Variants in TIAM1 observed in about 807,000 individuals in gnomAD.
The protein encoded by TIAM1 is TIAM Rac1 associated GEF 1.
TIAM1 carries 65 observed loss-of-function variants against 163.5 expected under a neutral mutation model. The ratio of observed to expected loss-of-function variants is 0.40; its 90% CI spans 0.33 to 0.49. TIAM1 has a LOEUF of 0.49. TIAM1 is among the 20% of genes least tolerant of loss of function. TIAM1 has a pLI of 0.77. For missense variants in TIAM1, 1,789 were observed against 2,044.7 expected, an observed-to-expected ratio of 0.87 and a Z score of 2.41; for synonymous variants, 833 against 810.1, an observed-to-expected ratio of 1.03 and a Z score of -0.48.
intron 6 of TIAM1, among the ~76,000 whole-genome samples, chr21:31,229,365 T>A (rs2088265255): frequency 6.6e-6 from 1 of 152,130 alleles, no homozygotes; most frequent in Admixed American, 6.5e-5. Flanking sequence ...TCAAAGAACA[T>A]CCTTCCAAGG....
chr21:31,511,178 G>A (rs2047199238), intron 1 of TIAM1, among the ~76,000 whole-genome samples: 1 of 152,208 alleles, frequency 6.6e-6, no homozygotes, highest in South Asian at 2.1e-4. Flanking sequence ...GAATAAACTT[G>A]TGTTGTTCTA....
At chr21:31,429,502 C>T (rs1386118541) in intron 2 of TIAM1, among the ~76,000 whole-genome samples, 1 of 152,092 alleles carries the variant, frequency 6.6e-6, no homozygotes, top group African/African-American at 2.4e-5. Flanking sequence ...GGAAATACAC[C>T]CCGGGGAGGC....
chr21:31,315,090 G>A (rs1423261393), intron 2 of TIAM1, among the ~76,000 whole-genome samples: 1 of 152,120 alleles, frequency 6.6e-6, no homozygotes, highest in Non-Finnish European at 1.5e-5. Flanking sequence ...AACATGCAAT[G>A]AGGCTGGGCG....
At chr21:31,412,910 G>A (rs2043249912) in intron 2 of TIAM1, among the ~76,000 whole-genome samples, 1 of 152,040 alleles carries the variant, frequency 6.6e-6, no homozygotes, top group African/African-American at 2.4e-5. Flanking sequence ...CAGAGCTCAG[G>A]TGGTAATGCT....
chr21:31,367,617 T>C (rs1419369685), intron 2 of TIAM1, among the ~76,000 whole-genome samples: 2 of 152,136 alleles, frequency 1.3e-5, no homozygotes, highest in African/African-American at 4.8e-5. Flanking sequence ...GATCCAGAAA[T>C]TCTGACAGGC....
intron 1 of TIAM1, among the ~76,000 whole-genome samples, chr21:31,548,841 A>G (rs1242976392): frequency 6.6e-6 from 1 of 151,984 alleles, no homozygotes; most frequent in Admixed American, 6.6e-5. Context: ...GGGCTGTTCT[A>G]TGCACTGGAG....
intron 2 of TIAM1, among the ~76,000 whole-genome samples, chr21:31,457,218 C>A (rs911760587): frequency 6.6e-6 from 1 of 152,162 alleles, no homozygotes; most frequent in Non-Finnish European, 1.5e-5. Flanking sequence ...CTCTGCTAAT[C>A]CCAGCACGAA....
chr21:31,304,750 T>C (rs1344628234), intron 2 of TIAM1, among the ~76,000 whole-genome samples: 1 of 152,216 alleles, frequency 6.6e-6, no homozygotes, highest in Non-Finnish European at 1.5e-5. Context: ...ACACACCCAG[T>C]GGCATGATCT....
chr21:31,276,034 T>A (rs1268457893), intron 3 of TIAM1, among the ~76,000 whole-genome samples: 1 of 152,128 alleles, frequency 6.6e-6, no homozygotes, highest in Non-Finnish European at 1.5e-5. Context: ...TAAGTTAAAT[T>A]TGAAGCGAAA....
At position 31,118,672 on chromosome 21, in the gene TIAM1, T is replaced by C. The variant is rs1213172715; in HGVS notation, c.*1696A>G. The C allele has an allele frequency of 4.2e-6, 2 of 471,096 alleles. No homozygotes were observed. Among genetic ancestry groups the C allele is most frequent in the East Asian group, 6.9e-5 (1 of 14,394 alleles). 29.2% of individuals were successfully genotyped at this position (471,096 alleles called of 1,614,324 possible). ...GAAGCCTCTGCTTCCGTTTTCCATCTGGACGCGATCGAACCGGAGATGATA... is the reference window on the plus strand; with the variant it reads ...GAAGCCTCTGCTTCCGTTTTCCATCCGGACGCGATCGAACCGGAGATGATA... On this transcript the variant is annotated 3_prime_UTR_variant, in exon 28 of 28. Transcript: ENST00000541036.
At chr21:31,495,943 G>A (rs2046625163) in intron 1 of TIAM1, among the ~76,000 whole-genome samples, 1 of 151,932 alleles carries the variant, frequency 6.6e-6, no homozygotes, top group Non-Finnish European at 1.5e-5. Flanking sequence ...CTGCACTCCA[G>A]CCTGAGTGAC....
At chr21:31,439,609 T>G (rs933221434) in intron 2 of TIAM1, among the ~76,000 whole-genome samples, 2 of 152,216 alleles carry the variant, frequency 1.3e-5, no homozygotes, top group African/African-American at 4.8e-5. Context: ...TTCTTTAACA[T>G]GCATTTGATT....
intron 15 of TIAM1, among the ~76,000 whole-genome samples, chr21:31,178,331 C>G (rs545811507): frequency 1.1e-5 from 1 of 94,968 alleles, no homozygotes; most frequent in Non-Finnish European, 1.9e-5. Flanking sequence ...TTTTTTGAGA[C>G]GGAGTCTCGC....
rs1023748448 is a variant in TIAM1, at chr21:31,384,372, C to T, written c.-368-44950G>A. Among the ~76,000 whole-genome samples, 7 of 138,552 alleles carry T rather than the reference C, an allele frequency of 5.1e-5. No homozygotes were observed. The South Asian group carries it at 1.6e-3, about 31-fold the overall frequency. 90.9% of individuals were successfully genotyped at this position (138,552 alleles called of 152,430 possible). A position where few individuals can be genotyped will look rare whatever the true frequency, so the allele number is the denominator to read the frequency against. On this transcript the variant is annotated intron_variant, in intron 2 of 28. Transcript: ENST00000286827. ...TTGCAGCCAAGAGTTCAAGACCAGC[C>T]TGAGCAACATGGCAAGACCCCATCT... is the stretch of plus-strand genomic sequence containing the variant.
rs190652567 is a variant in TIAM1 at position 31,168,696 on chromosome 21, G to C, written c.2888-3631C>G. 1.1e-3 allele frequency among the ~76,000 whole-genome samples: 170 copies of C among 152,238 alleles called. 2 individuals carry two copies. The highest frequency in any genetic ancestry group is 8.4e-4 in the Non-Finnish European group (57 of 68,016). On this transcript the variant is annotated intron_variant, in intron 15 of 27. Transcript: ENST00000541036. Reference sequence around the variant, plus strand: ...ATTACAGGTGTAAGCCACTGTGCCAGGCCCCCTGACATTCTAATCATAGGA... The same window carrying C: ...ATTACAGGTGTAAGCCACTGTGCCACGCCCCCTGACATTCTAATCATAGGA...
At chr21:31,287,933 T>C (rs1279961082) in intron 2 of TIAM1, among the ~76,000 whole-genome samples, 1 of 152,072 alleles carries the variant, frequency 6.6e-6, no homozygotes, top group Non-Finnish European at 1.5e-5. Context: ...ACGGGGACAG[T>C]GAGTGCCTTG....
At chr21:31,500,000 C>G (rs1302885890) in intron 1 of TIAM1, among the ~76,000 whole-genome samples, 1 of 151,762 alleles carries the variant, frequency 6.6e-6, no homozygotes, top group Non-Finnish European at 1.5e-5. Context: ...AACCCTGTCT[C>G]CACTAAAATA....
intron 15 of TIAM1, among the ~76,000 whole-genome samples, chr21:31,170,229 TAAAG>T (rs774997290): frequency 3.3e-5 from 5 of 152,024 alleles, no homozygotes; most frequent in South Asian, 2.1e-4. Context: ...TAGGCAAACA[TAAAG>T]AAAGCCTCAA....
At chr21:31,294,700 T>C (rs1272180035) in intron 2 of TIAM1, among the ~76,000 whole-genome samples, 2 of 152,200 alleles carry the variant, frequency 1.3e-5, no homozygotes, top group Non-Finnish European at 2.9e-5. Context: ...TTTCCAGTAG[T>C]GATTTTCCAT....
Sources: gnomAD v4.1 joint callset for allele counts (sites outside exome capture counted in the v4.1 genomes callset) on GRCh38, gnomAD v4.1.1 for gene constraint, MANE v1.5 for transcripts, NCBI Gene and HGNC (gene_info 2026-07-23, HGNC 2026-07-21) for gene names.